Variants in SORCS1 observed in about 807,000 individuals in gnomAD.
SORCS1 encodes the protein sortilin related VPS10 domain containing receptor 1.
In SORCS1, 60 loss-of-function variants were observed where a neutral mutation model predicts 146.1. The observed-to-expected ratio is 0.41, with a 90% CI of 0.33 to 0.51. SORCS1 has a LOEUF of 0.51. Among genes scored for constraint, SORCS1 ranks in the 20% least tolerant of loss-of-function variants. SORCS1 has a pLI of 0.21. For synonymous variants in SORCS1, 637 were observed against 584.0 expected, an observed-to-expected ratio of 1.09 and a Z score of -1.31; for missense variants, 1,352 against 1,487.6, an observed-to-expected ratio of 0.91 and a Z score of 1.50.
intron 1 of SORCS1, among the ~76,000 whole-genome samples, chr10:107,128,894 A>C (rs990718970): frequency 2.0e-5 from 3 of 152,054 alleles, no homozygotes; most frequent in African/African-American, 7.2e-5. Context: ...TGGTGATGAG[A>C]CTCTGATAAA....
chr10:106,989,690 T>TTTTTTTTTTTTTTTG (rs1956680929), intron 1 of SORCS1, among the ~76,000 whole-genome samples: 1 of 140,260 alleles, frequency 7.1e-6, no homozygotes, highest in African/African-American at 2.8e-5. Flanking sequence ...GTTTTTTTTT[T>TTTTTTTTTTTTTTTG]TTTTTTTTTT....
intron 1 of SORCS1, among the ~76,000 whole-genome samples, chr10:106,988,613 T>G (rs1373816057): frequency 6.6e-6 from 1 of 152,134 alleles, no homozygotes; most frequent in Non-Finnish European, 1.5e-5. Context: ...CTAGAAATCT[T>G]TTGACTGCCT....
At position 107,093,873 on chromosome 10, in the gene SORCS1, A is replaced by G. The variant is rs1055682714; in HGVS notation, c.558+70096T>C. 1.6e-4 allele frequency among the ~76,000 whole-genome samples: 25 copies of G among 152,030 alleles called. No homozygotes were observed. The South Asian group carries it at 3.1e-3, about 19-fold the overall frequency. On this transcript the variant is annotated intron_variant, in intron 1 of 25. Coordinates refer to ENST00000263054, the MANE Select transcript of SORCS1 (RefSeq NM_052918.5). ...ACTCTGCTCCAGCTCTTGTAACTTT[A>G]TCTTCTTGCTCTTTCTTGAACACAG...
At chr10:106,882,746 T>C (rs1341129932) in intron 2 of SORCS1, among the ~76,000 whole-genome samples, 1 of 152,144 alleles carries the variant, frequency 6.6e-6, no homozygotes, top group East Asian at 1.9e-4. Context: ...AACAGTGGTT[T>C]TCCTTACAAA....
chr10:106,727,068 A>C (rs1856252020), intron 6 of SORCS1, among the ~76,000 whole-genome samples: 1 of 151,096 alleles, frequency 6.6e-6, no homozygotes, highest in South Asian at 2.1e-4. Context: ...CCTGCGTGAC[A>C]GAGCGAGACT....
chr10:106,867,104 C>T (rs1045934433), intron 2 of SORCS1, among the ~76,000 whole-genome samples: 3 of 152,070 alleles, frequency 2.0e-5, no homozygotes, highest in Admixed American at 6.6e-5. Flanking sequence ...CAAGATTCTA[C>T]ACCAGAAGGT....
chr10:106,658,442 T>C (rs1021624765), intron 17 of SORCS1, among the ~76,000 whole-genome samples: 1 of 152,162 alleles, frequency 6.6e-6, no homozygotes, highest in African/African-American at 2.4e-5. Flanking sequence ...CCAGGGGGTG[T>C]TACTGTCATT....
intron 4 of SORCS1, among the ~76,000 whole-genome samples, chr10:106,766,043 C>A (rs1406881034): frequency 6.6e-6 from 1 of 152,134 alleles, no homozygotes; most frequent in African/African-American, 2.4e-5. Flanking sequence ...ATGTTGTTCA[C>A]CACAAAGCTT....
intron 1 of SORCS1, among the ~76,000 whole-genome samples, chr10:107,046,627 C>T (rs1590012701): frequency 2.0e-5 from 3 of 152,058 alleles, no homozygotes; most frequent in Non-Finnish European, 4.4e-5. Flanking sequence ...GCCTCATGTA[C>T]GTCAGAGGGT....
chr10:106,863,796 T>C (rs149307579), intron 2 of SORCS1, among the ~76,000 whole-genome samples: 51 of 151,180 alleles, frequency 3.4e-4, no homozygotes, highest in East Asian at 1.8e-3. Context: ...CAGATTCCCA[T>C]TGCCTTCAGA....
In SORCS1 at chr10:107,164,488, C is replaced by T; in HGVS notation, c.39G>A (p.Arg13=). The change falls in exon 1 of 26, where the codon CGG becomes CGA. Residue 13 remains arginine (R), a synonymous_variant. Coordinates refer to ENST00000263054, the MANE Select transcript of SORCS1 (RefSeq NM_052918.5). This position sits in a 1 kb window ranked among gnomAD's most constrained non-coding sequence, Gnocchi z 6.8. ...KVGAGGGSQA[R]LSALLAGAGL... is the part of the protein sequence containing the mutation. ...CCGCGCCGGCGAGGAGCGCGCTCAGCCGGGCTTGGGAGCCGCCGCCGGCGC... is the reference window on the plus strand; with the variant it reads ...CCGCGCCGGCGAGGAGCGCGCTCAGTCGGGCTTGGGAGCCGCCGCCGGCGC... The T allele has an allele frequency of 2.2e-6, 3 of 1,361,148 alleles. No individual in the cohort carries two copies. The highest frequency in any genetic ancestry group is 1.8e-5 in the South Asian group (1 of 55,128). 84.3% of individuals were successfully genotyped at this position (1,361,148 alleles called of 1,614,324 possible). A position where few individuals can be genotyped will look rare whatever the true frequency, so the allele number is the denominator to read the frequency against.
At position 106,726,185 on chromosome 10, in the gene SORCS1, C is replaced by CTCTTTTTTTTTTTT. The variant is rs1435746962; in HGVS notation, c.1024+3864_1024+3865insAAAAAAAAAAAAGA. ...TTATTGAGACAATCTCTTTCCCTCTCTTTTTTTTTTTTTTTTTTTTTTACA... is the reference window on the plus strand; with the variant it reads ...TTATTGAGACAATCTCTTTCCCTCTCTCTTTTTTTTTTTTTTTTTTTTTTTTTTTTTTTTTTACA... On this transcript the variant is annotated intron_variant, in intron 6 of 25. Transcript: ENST00000263054. Among the ~76,000 whole-genome samples the CTCTTTTTTTTTTTT allele has an allele frequency of 1.2e-4, 8 of 66,298 alleles. 2 individuals are homozygous for CTCTTTTTTTTTTTT. The highest frequency in any genetic ancestry group is 1.3e-3 in the South Asian group (2 of 1,592). The allele number at this position is 66,298 out of a possible 152,430, so 43.5% of individuals were successfully genotyped here. A position where few individuals can be genotyped will look rare whatever the true frequency, so the allele number is the denominator to read the frequency against.
At chr10:106,984,234 G>A (rs971425154) in intron 1 of SORCS1, among the ~76,000 whole-genome samples, 1 of 152,122 alleles carries the variant, frequency 6.6e-6, no homozygotes, top group Non-Finnish European at 1.5e-5. Flanking sequence ...CATCTTATGG[G>A]TAAGAGTGAT....
At chr10:107,026,221 G>T (rs1056803587) in intron 1 of SORCS1, among the ~76,000 whole-genome samples, 1 of 152,190 alleles carries the variant, frequency 6.6e-6, no homozygotes, top group Non-Finnish European at 1.5e-5. Context: ...TGTTCACCTG[G>T]ATTTCTTTAG....
rs185313614 is a variant in SORCS1 at position 106,594,783 on chromosome 10, A to T, written c.3265+2568T>A. Among the ~76,000 whole-genome samples the T allele has an allele frequency of 7.9e-5, 12 of 152,340 alleles. No individual in the cohort carries two copies. In the East Asian group the frequency reaches 2.3e-3, roughly 29 times the overall value. ...CATGAAGGATAGACAAGTTGGCCAC[A>T]TCCCTTCAAACCCAGACTTCAGTAT... On this transcript the variant is annotated intron_variant, in intron 24 of 25. Coordinates refer to ENST00000263054, the MANE Select transcript of SORCS1 (RefSeq NM_052918.5).
At chr10:107,160,392 A>G (rs1460146156) in intron 1 of SORCS1, among the ~76,000 whole-genome samples, 1 of 152,190 alleles carries the variant, frequency 6.6e-6, no homozygotes, top group Admixed American at 6.5e-5. Context: ...TGTAATGACA[A>G]TAATAACACC....
chr10:106,841,042 G>A (rs1025057541), intron 2 of SORCS1, among the ~76,000 whole-genome samples: 1 of 151,254 alleles, frequency 6.6e-6, no homozygotes, highest in Admixed American at 6.6e-5. Flanking sequence ...TTTTAATAGA[G>A]ACGGGGTTTC....
At position 106,963,839 on chromosome 10, in the gene SORCS1, A is replaced by G. The variant is rs564100503; in HGVS notation, c.559-7259T>C. The stretch of plus-strand genomic sequence containing the variant: ...AAAATACATGCTGTGAGGATACAAA[A>G]CAAGGAATGATATTTGATATGAGTC... On this transcript the variant is annotated intron_variant, in intron 1 of 25. Coordinates refer to ENST00000263054, the MANE Select transcript of SORCS1 (RefSeq NM_052918.5). 6.2e-4 allele frequency among the ~76,000 whole-genome samples: 95 copies of G among 152,332 alleles called. 1 individual carries two copies. The highest frequency in any genetic ancestry group is 2.1e-3 in the African/African-American group (87 of 41,568).
chr10:106,633,651 T>G (rs1848562940), intron 18 of SORCS1, among the ~76,000 whole-genome samples: 1 of 147,474 alleles, frequency 6.8e-6, no homozygotes, highest in Non-Finnish European at 1.5e-5. Flanking sequence ...TATTCTAGGA[T>G]AGATGATAGT....
Sources: gnomAD v4.1 joint callset for allele counts (sites outside exome capture counted in the v4.1 genomes callset) on GRCh38, gnomAD v4.1.1 for gene constraint, Gnocchi (gnomAD v3.1) non-coding constraint, MANE v1.5 for transcripts, NCBI Gene and HGNC (gene_info 2026-07-23, HGNC 2026-07-21) for gene names.